NEB: variants seen among roughly 807,000 people sequenced by gnomAD.
NEB encodes the protein nemaline myopathy type 2.
A neutral mutation model predicts 952.2 loss-of-function variants in NEB; 512 were observed. The observed-to-expected ratio is 0.54, with a 90% CI of 0.50 to 0.58. The LOEUF (loss-of-function observed/expected upper bound fraction) is 0.58, where lower values mean the gene tolerates loss of function less well. Ranked by LOEUF, NEB falls within the 20% of genes least tolerant of loss-of-function variation. The pLI is 0.00. For synonymous variants in NEB, 2,900 were observed against 3,149.8 expected, an observed-to-expected ratio of 0.92 and a Z score of 2.66; for missense variants, 8,428 against 9,231.1, an observed-to-expected ratio of 0.91 and a Z score of 3.56.
intron 138 of NEB, among the ~76,000 whole-genome samples, chr2:151,539,464 A>T (rs1174458230): frequency 6.6e-6 from 1 of 152,136 alleles, no homozygotes; most frequent in Admixed American, 6.6e-5. Flanking sequence ...CCTCGGGCTT[A>T]CTGCAATTAC....
intron 6 of NEB, among the ~76,000 whole-genome samples, 182 bp downstream of exon 6, chr2:151,725,270 TA>T (rs1258239716): frequency 5.3e-5 from 8 of 152,246 alleles, no homozygotes; most frequent in African/African-American, 1.9e-4. Context: ...GCCAAGCTTT[TA>T]GAAGTTTCTT....
chr2:151,698,063 CTCAAA>C (rs1407755373), intron 13 of NEB, among the ~76,000 whole-genome samples: 1 of 80,608 alleles, frequency 1.2e-5, no homozygotes, highest in Non-Finnish European at 2.5e-5. Context: ...GAGACTCCGT[CTCAAA>C]ACAAAACAAA....
At chr2:151,674,191 T>C (rs1304631986) in intron 36 of NEB, among the ~76,000 whole-genome samples, 1 of 152,176 alleles carries the variant, frequency 6.6e-6, no homozygotes, top group Non-Finnish European at 1.5e-5. Flanking sequence ...GTGTTCCCAC[T>C]GAAAATAAAT....
In NEB at chr2:151,609,753, C is replaced by A. The variant is rs1322575631; in HGVS notation, c.12330+56G>T. 6 of 1,502,250 alleles carry A rather than the reference C, an allele frequency of 4.0e-6. No individual in the cohort carries two copies. The East Asian group carries it at 1.4e-4, about 34-fold the overall frequency. 93.1% of individuals were successfully genotyped at this position (1,502,250 alleles called of 1,614,324 possible). On this transcript the variant is annotated intron_variant, in intron 81 of 181. Coordinates refer to ENST00000397345, the MANE Select transcript of NEB (RefSeq NM_001164508.2). The stretch of plus-strand genomic sequence containing the variant: ...ACTGTCCTCAGAGGCACTGACTGGG[C>A]AATGAACAAATCTACATCTTCCCCT...
intron 52 of NEB, among the ~76,000 whole-genome samples, chr2:151,652,208 G>A (rs945777545): frequency 6.6e-6 from 1 of 152,064 alleles, no homozygotes; most frequent in East Asian, 1.9e-4. Flanking sequence ...TGCCCTGAAG[G>A]ACTCCAAAAT....
chr2:151,662,406 G>T, intron 45 of NEB, 65 bp from the exon 46 acceptor site: 1 of 1,332,038 alleles, frequency 7.5e-7, no homozygotes, highest in Non-Finnish European at 1.0e-6. Context: ...CTAAGTGTGT[G>T]TTTAACATTC....
intron 131 of NEB, 108 bp downstream of exon 131, chr2:151,548,200 C>G: frequency 4.4e-6 from 4 of 906,752 alleles, no homozygotes; most frequent in Non-Finnish European, 6.9e-6. Flanking sequence ...TCATTTTTTG[C>G]TGGTATGTAA....
chr2:151,581,765 T>G (rs1391466410), intron 102 of NEB, among the ~76,000 whole-genome samples, 178 bp from the exon 103 acceptor site: 1 of 150,064 alleles, frequency 6.7e-6, no homozygotes, highest in East Asian at 2.0e-4. Flanking sequence ...GTAAGATTAA[T>G]AGGTAAATCT....
chr2:151,655,477 TAGTA>T (rs1404057207), intron 50 of NEB, 103 bp from the exon 51 acceptor site: 85 of 575,898 alleles, frequency 1.5e-4, no homozygotes, highest in Admixed American at 1.4e-3. Flanking sequence ...CAATTTGATG[TAGTA>T]AGTAATAACT....
At chr2:151,652,520 C>A (rs2099042188) in intron 52 of NEB, among the ~76,000 whole-genome samples, 1 of 152,170 alleles carries the variant, frequency 6.6e-6, no homozygotes, top group African/African-American at 2.4e-5. Flanking sequence ...CCACTGCACC[C>A]AGCCTCCAAA....
chr2:151,506,027 T>C, intron 164 of NEB, 139 bp downstream of exon 164: 1 of 764,536 alleles, frequency 1.3e-6, no homozygotes. Context: ...CTAGCCACTG[T>C]GTGGTGGTGG....
At position 151,690,614 on chromosome 2, in the gene NEB, T is replaced by C. The variant is rs1009217579; in HGVS notation, c.2310+113A>G. ...GTTTTATTAAACAAATCTTGAAAAA[T>C]AATAATATTGGGATGGTAGATGAGC... is the stretch of plus-strand genomic sequence containing the variant. On this transcript the variant is annotated intron_variant, in intron 24 of 181. Coordinates refer to ENST00000397345, the MANE Select transcript of NEB (RefSeq NM_001164508.2). 25 of 800,800 alleles carry C rather than the reference T, an allele frequency of 3.1e-5. No individual in the cohort carries two copies. In the Admixed American group the frequency reaches 5.3e-4, roughly 17 times the overall value. The allele number at this position is 800,800 out of a possible 1,614,324, so 49.6% of individuals were successfully genotyped here.
At chr2:151,570,808 A>AT (rs2096601610) in intron 107 of NEB, among the ~76,000 whole-genome samples, 2 of 151,934 alleles carry the variant, frequency 1.3e-5, no homozygotes. Flanking sequence ...GGGCTTGACA[A>AT]TCTCCTTTCT....
intron 54 of NEB, 134 bp downstream of exon 54, chr2:151,650,042 G>A (rs940509170): frequency 2.5e-6 from 2 of 815,152 alleles, no homozygotes; most frequent in Non-Finnish European, 3.9e-6. Context: ...CAAATAAAAT[G>A]ATCCAATATA....
intron 141 of NEB, among the ~76,000 whole-genome samples, chr2:151,536,708 C>T (rs943128089): frequency 1.1e-4 from 17 of 152,076 alleles, no homozygotes; most frequent in Non-Finnish European, 4.4e-5. Flanking sequence ...TATTGTACAA[C>T]CCAAATGCAA....
At chr2:151,504,215 C>T (rs1465930759) in intron 165 of NEB, among the ~76,000 whole-genome samples, 2 of 152,244 alleles carry the variant, frequency 1.3e-5, no homozygotes, top group East Asian at 1.9e-4. Context: ...TGGGGAGCAA[C>T]GTACCCAGAT....
intron 160 of NEB, 104 bp downstream of exon 160, chr2:151,513,476 A>G (rs944415764): frequency 6.3e-6 from 5 of 789,646 alleles, no homozygotes; most frequent in Non-Finnish European, 8.2e-6. Flanking sequence ...ATGCCATTGT[A>G]TGCATGTGAC....
At chr2:151,734,004 C>T (rs2099815420) in intron 1 of NEB, among the ~76,000 whole-genome samples, 1 of 152,128 alleles carries the variant, frequency 6.6e-6, no homozygotes, top group Non-Finnish European at 1.5e-5. Context: ...AAACCAATAC[C>T]CTGCAGTGGC....
At chr2:151,622,041 A>G (rs1473468952) in intron 71 of NEB, among the ~76,000 whole-genome samples, 1 of 151,964 alleles carries the variant, frequency 6.6e-6, no homozygotes, top group Non-Finnish European at 1.5e-5. Flanking sequence ...AGACAGTCTC[A>G]CTCTGTCGCC....
Sources: gnomAD v4.1 joint callset for allele counts (sites outside exome capture counted in the v4.1 genomes callset) on GRCh38, gnomAD v4.1.1 for gene constraint, MANE v1.5 for transcripts, NCBI Gene and HGNC (gene_info 2026-07-23, HGNC 2026-07-21) for gene names.